MAGI1: variants seen among roughly 807,000 people sequenced by gnomAD.
The protein encoded by MAGI1 is membrane-associated guanylate kinase, WW and PDZ domain-containing protein 1.
A neutral mutation model predicts 139.9 loss-of-function variants in MAGI1; 58 were observed. The observed-to-expected ratio is 0.41, with a 90% CI of 0.34 to 0.52. The LOEUF (loss-of-function observed/expected upper bound fraction) is 0.52, where lower values mean the gene tolerates loss of function less well. Ranked by LOEUF, MAGI1 falls within the 20% of genes least tolerant of loss-of-function variation. The pLI is 0.12. For missense variants in MAGI1, 1,874 were observed against 1,901.6 expected, an observed-to-expected ratio of 0.99 and a Z score of 0.27; for synonymous variants, 812 against 737.9, an observed-to-expected ratio of 1.10 and a Z score of -1.63.
chr3:65,756,210 G>A (rs1423502713), intron 1 of MAGI1, among the ~76,000 whole-genome samples: 1 of 152,056 alleles, frequency 6.6e-6, no homozygotes, highest in Non-Finnish European at 1.5e-5. Context: ...GTGGATCCCT[G>A]AGAAAAAAAT....
intron 1 of MAGI1, among the ~76,000 whole-genome samples, chr3:65,922,199 G>T (rs1251930809): frequency 1.3e-5 from 2 of 152,196 alleles, no homozygotes; most frequent in Middle Eastern, 3.4e-3. Flanking sequence ...AAATACAGCA[G>T]AGACTAGACC....
chr3:65,508,202 C>A (rs1177646068), intron 2 of MAGI1, among the ~76,000 whole-genome samples: 1 of 152,060 alleles, frequency 6.6e-6, no homozygotes. Context: ...AGGAGATCAA[C>A]ACCATCCTGG....
chr3:65,800,154 G>A (rs777416305), intron 1 of MAGI1, among the ~76,000 whole-genome samples: 2 of 152,106 alleles, frequency 1.3e-5, no homozygotes, highest in African/African-American at 2.4e-5. Context: ...TTCTAGTGGC[G>A]AACAGGTGAC....
intron 1 of MAGI1, among the ~76,000 whole-genome samples, chr3:65,776,524 T>A (rs1221028546): frequency 6.6e-6 from 1 of 152,186 alleles, no homozygotes; most frequent in Non-Finnish European, 1.5e-5. Context: ...CAGGCTGATT[T>A]CTAAACTGTA....
intron 1 of MAGI1, among the ~76,000 whole-genome samples, chr3:66,037,526 G>T (rs917811853): frequency 6.6e-6 from 1 of 152,136 alleles, no homozygotes; most frequent in Admixed American, 6.5e-5. Flanking sequence ...GTCGCGGGGT[G>T]AAGCAGATTT....
Position 65,354,786 on chromosome 3 carries a change from T to A in MAGI1, c.*1592A>T, listed in dbSNP as rs959548148. 6.6e-6 allele frequency: 1 copy of A among 152,494 alleles called. No individual in the cohort carries two copies. Among genetic ancestry groups the A allele is most frequent in the Non-Finnish European group, 1.5e-5 (1 of 68,014 alleles). 9.4% of individuals were successfully genotyped at this position (152,494 alleles called of 1,614,324 possible). ...AAATTTTGTCATAAATTCTCTTTTA[T>A]ACAAGAAAAAAAGGCAACAGTTGTT... On this transcript the variant is annotated 3_prime_UTR_variant, in exon 23 of 23. Coordinates refer to ENST00000402939, the MANE Select transcript of MAGI1 (RefSeq NM_001033057.2).
At chr3:65,982,176 G>C (rs995847117) in intron 1 of MAGI1, among the ~76,000 whole-genome samples, 1 of 152,188 alleles carries the variant, frequency 6.6e-6, no homozygotes, top group African/African-American at 2.4e-5. Context: ...CCTCTTGGTC[G>C]AGTTCCCTGA....
At chr3:65,681,991 T>A (rs969215759) in intron 1 of MAGI1, among the ~76,000 whole-genome samples, 2 of 152,144 alleles carry the variant, frequency 1.3e-5, no homozygotes, top group African/African-American at 4.8e-5. Context: ...ACATGCTACT[T>A]TGTCCAGCTG....
At chr3:65,440,989 C>G (rs1053182023) in intron 8 of MAGI1, among the ~76,000 whole-genome samples, 4 of 151,774 alleles carry the variant, frequency 2.6e-5, no homozygotes, top group African/African-American at 9.7e-5. Flanking sequence ...TTGAGACAGT[C>G]TCTCTCTGTC....
At chr3:65,588,764 C>A (rs1307599292) in intron 2 of MAGI1, among the ~76,000 whole-genome samples, 1 of 152,104 alleles carries the variant, frequency 6.6e-6, no homozygotes, top group Non-Finnish European at 1.5e-5. Flanking sequence ...ACCCTTGGTA[C>A]CTTGCAGAGT....
chr3:65,610,244 A>G (rs896916177), intron 2 of MAGI1, among the ~76,000 whole-genome samples: 3 of 151,888 alleles, frequency 2.0e-5, no homozygotes, highest in Non-Finnish European at 4.4e-5. Flanking sequence ...CCCACCTTTC[A>G]ATAGCTCGCC....
intron 1 of MAGI1, among the ~76,000 whole-genome samples, chr3:65,748,020 T>A (rs980257762): frequency 6.6e-6 from 1 of 152,072 alleles, no homozygotes; most frequent in Non-Finnish European, 1.5e-5. Context: ...TAAAAAGATA[T>A]TGCTTCACAG....
At chr3:65,680,002 C>T (rs946057355) in intron 1 of MAGI1, among the ~76,000 whole-genome samples, 10 of 152,176 alleles carry the variant, frequency 6.6e-5, no homozygotes, top group Non-Finnish European at 1.3e-4. Flanking sequence ...TGAAGGCATA[C>T]AGGGTCCTTG....
chr3:65,672,643 A>C (rs184031482), intron 1 of MAGI1, among the ~76,000 whole-genome samples: 13 of 152,304 alleles, frequency 8.5e-5, no homozygotes, highest in Admixed American at 5.2e-4. Context: ...AGAAGGAGAA[A>C]ATGTCCTGGA....
chr3:65,438,133 C>A (rs566193522), intron 9 of MAGI1, among the ~76,000 whole-genome samples: 2 of 152,302 alleles, frequency 1.3e-5, no homozygotes, highest in African/African-American at 2.4e-5. Flanking sequence ...ACCTAAGTGT[C>A]CATCAGTGGA....
intron 1 of MAGI1, among the ~76,000 whole-genome samples, chr3:65,888,345 G>C (rs889687526): frequency 6.6e-6 from 1 of 152,204 alleles, no homozygotes; most frequent in Admixed American, 6.5e-5. Flanking sequence ...TTCATCTTCA[G>C]AGTCAGAGCC....
rs745485774 is a variant in MAGI1 at position 65,791,724 on chromosome 3, T to TTG, written c.314-169638_314-169637dup. ...GCTTATGGGTAGTGTTTACTCTGTT[T>TTG]TGTGTGTGTGTGTGTTTTTCCATTT... On this transcript the variant is annotated intron_variant, in intron 1 of 22. Transcript: ENST00000402939. 5.2e-4 allele frequency among the ~76,000 whole-genome samples: 79 copies of TTG among 152,090 alleles called. 1 individual carries two copies. Among genetic ancestry groups the TTG allele is most frequent in the Non-Finnish European group, 7.9e-4 (54 of 67,980 alleles).
chr3:65,877,494 TG>T (rs1266138791), intron 1 of MAGI1, among the ~76,000 whole-genome samples: 3 of 152,122 alleles, frequency 2.0e-5, no homozygotes. Context: ...TCCCCAGAGA[TG>T]ACCTCAATTT....
intron 1 of MAGI1, among the ~76,000 whole-genome samples, chr3:66,034,336 T>G (rs953595697): frequency 6.6e-6 from 1 of 152,188 alleles, no homozygotes; most frequent in African/African-American, 2.4e-5. Context: ...CAGAGCTGGG[T>G]TGCAGCTCTA....
Sources: gnomAD v4.1 joint callset for allele counts (sites outside exome capture counted in the v4.1 genomes callset) on GRCh38, gnomAD v4.1.1 for gene constraint, MANE v1.5 for transcripts, NCBI Gene and HGNC (gene_info 2026-07-23, HGNC 2026-07-21) for gene names.